The following GALNT17 variants were observed in gnomAD, a reference collection of about 807,000 sequenced individuals.
The protein encoded by GALNT17 is polypeptide N-acetylgalactosaminyltransferase 17.
GALNT17 carries 29 observed loss-of-function variants against 63.7 expected under a neutral mutation model. That is an observed-to-expected ratio of 0.46 (90% CI 0.34 to 0.62). The LOEUF is 0.62. Among genes scored for constraint, GALNT17 ranks in the 20% least tolerant of loss-of-function variants. GALNT17 has a pLI of 0.01. For synonymous variants in GALNT17, 305 were observed against 318.3 expected, an observed-to-expected ratio of 0.96 and a Z score of 0.45; for missense variants, 603 against 799.6, an observed-to-expected ratio of 0.75 and a Z score of 2.97.
At chr7:71,654,380 A>C (rs1262897731) in intron 6 of GALNT17, among the ~76,000 whole-genome samples, 1 of 152,206 alleles carries the variant, frequency 6.6e-6, no homozygotes, top group Non-Finnish European at 1.5e-5. Context: ...GGTTGGACTC[A>C]AGAAGCAACT....
At chr7:71,199,430 C>T (rs1789120193) in intron 1 of GALNT17, among the ~76,000 whole-genome samples, 1 of 152,128 alleles carries the variant, frequency 6.6e-6, no homozygotes, top group South Asian at 2.1e-4. Context: ...CTGGCCCACT[C>T]ACCTACTCAT....
rs113057285 is a variant in GALNT17, at chr7:71,401,549, G to A, written c.589+13148G>A. Among the ~76,000 whole-genome samples the A allele has an allele frequency of 4.7e-3, 709 of 152,246 alleles. 4 individuals carry two copies. The highest frequency in any genetic ancestry group is 7.8e-3 in the Non-Finnish European group (533 of 68,024). Reference sequence around the variant, plus strand: ...GGCCGCACAGCAGGAGGTGAGAGGCGGGTGAGGGAGCAAAACTTCGTCTGT... The same window carrying A: ...GGCCGCACAGCAGGAGGTGAGAGGCAGGTGAGGGAGCAAAACTTCGTCTGT... On this transcript the variant is annotated intron_variant, in intron 3 of 10. Coordinates refer to ENST00000333538, the MANE Select transcript of GALNT17 (RefSeq NM_022479.3).
intron 1 of GALNT17, among the ~76,000 whole-genome samples, chr7:71,237,490 A>C (rs1291658763): frequency 3.3e-5 from 5 of 149,616 alleles, no homozygotes; most frequent in Non-Finnish European, 4.4e-5. Flanking sequence ...AACTTGGCCA[A>C]CATAGTAAGA....
At chr7:71,351,866 G>C (rs117054742) in intron 2 of GALNT17, among the ~76,000 whole-genome samples, 2,546 of 152,262 alleles carry the variant, frequency 0.017, 38 homozygotes, top group Non-Finnish European at 0.026. Flanking sequence ...GAAGTGTCCT[G>C]ATCTGGGGTA....
intron 1 of GALNT17, among the ~76,000 whole-genome samples, chr7:71,330,391 T>C (rs542293444): frequency 2.0e-5 from 3 of 151,976 alleles, no homozygotes; most frequent in South Asian, 4.2e-4. Context: ...GTCTTCTTAT[T>C]TTTTATTTTA....
chr7:71,415,323 C>T (rs1164691105), intron 3 of GALNT17, among the ~76,000 whole-genome samples: 1 of 152,140 alleles, frequency 6.6e-6, no homozygotes, highest in East Asian at 1.9e-4. Flanking sequence ...TGAAATTAAT[C>T]TAGCAACCTC....
intron 1 of GALNT17, among the ~76,000 whole-genome samples, chr7:71,165,563 A>G (rs1369630373): frequency 6.6e-6 from 1 of 152,170 alleles, no homozygotes; most frequent in East Asian, 1.9e-4. Context: ...ATAGCACCGG[A>G]AAGATCTGCC....
intron 2 of GALNT17, among the ~76,000 whole-genome samples, chr7:71,337,630 G>A (rs1563014361): frequency 1.3e-5 from 2 of 152,168 alleles, no homozygotes. Context: ...AACACTTTGG[G>A]AGGCTGAGGA....
In GALNT17 at chr7:71,153,088, A is replaced by G. The variant is rs185158859; in HGVS notation, c.238+20048A>G. On this transcript the variant is annotated intron_variant, in intron 1 of 10. Coordinates refer to ENST00000333538, the MANE Select transcript of GALNT17 (RefSeq NM_022479.3). Reference sequence around the variant, plus strand: ...CAACCTTCCTAGTCAGCTGATCTCCAGGGGTTTCAGACAATGGACGAAGCA... The same window carrying G: ...CAACCTTCCTAGTCAGCTGATCTCCGGGGGTTTCAGACAATGGACGAAGCA... 1.2e-3 allele frequency among the ~76,000 whole-genome samples: 178 copies of G among 152,292 alleles called. 1 individual carries two copies. Among genetic ancestry groups the G allele is most frequent in the African/African-American group, 4.1e-3 (172 of 41,562 alleles).
chr7:71,355,781 C>G (rs948658793), intron 2 of GALNT17, among the ~76,000 whole-genome samples: 2 of 152,136 alleles, frequency 1.3e-5, no homozygotes, highest in Non-Finnish European at 2.9e-5. Flanking sequence ...GATTCACCCA[C>G]CTCAGCCTCC....
At chr7:71,251,584 A>T (rs567540014) in intron 1 of GALNT17, among the ~76,000 whole-genome samples, 21 of 151,650 alleles carry the variant, frequency 1.4e-4, no homozygotes, top group Admixed American at 5.3e-4. Flanking sequence ...TAATTTAAAA[A>T]TTTTTTTCGT....
chr7:71,527,247 A>C (rs1025496020), intron 5 of GALNT17, among the ~76,000 whole-genome samples: 1 of 152,260 alleles, frequency 6.6e-6, no homozygotes, highest in East Asian at 1.9e-4. Context: ...TCAGCATGAT[A>C]TATAAAAATC....
chr7:71,271,891 C>G (rs548339320), intron 1 of GALNT17, among the ~76,000 whole-genome samples: 91 of 152,314 alleles, frequency 6.0e-4, no homozygotes, highest in African/African-American at 2.2e-3. Flanking sequence ...TCCCGAGTAA[C>G]TAGGACCACA....
intron 6 of GALNT17, among the ~76,000 whole-genome samples, chr7:71,654,220 T>G (rs1379248688): frequency 6.6e-6 from 1 of 152,144 alleles, no homozygotes; most frequent in African/African-American, 2.4e-5. Flanking sequence ...TTTCACCGTG[T>G]TAGCCAGGAT....
chr7:71,248,013 A>G (rs1257736893), intron 1 of GALNT17, among the ~76,000 whole-genome samples: 2 of 152,208 alleles, frequency 1.3e-5, no homozygotes, highest in Non-Finnish European at 2.9e-5. Context: ...AGGTTGGTGT[A>G]TTAGTCTGTT....
At chr7:71,386,978 C>A (rs951928444) in intron 2 of GALNT17, among the ~76,000 whole-genome samples, 10 of 152,110 alleles carry the variant, frequency 6.6e-5, no homozygotes, top group African/African-American at 2.4e-4. Context: ...AGAAACAGAG[C>A]CTGAAACAAA....
chr7:71,239,304 C>CCA (rs59397257), intron 1 of GALNT17, among the ~76,000 whole-genome samples: 20 of 150,234 alleles, frequency 1.3e-4, no homozygotes, highest in East Asian at 1.2e-3. Flanking sequence ...TACCCCCCCC[C>CCA]AAAAAAAAAT....
At chr7:71,589,776 G>A (rs1789771626) in intron 6 of GALNT17, among the ~76,000 whole-genome samples, 1 of 152,150 alleles carries the variant, frequency 6.6e-6, no homozygotes, top group East Asian at 1.9e-4. Context: ...CTAATAAATA[G>A]AACAGCCGGA....
intron 1 of GALNT17, among the ~76,000 whole-genome samples, chr7:71,321,867 T>TTCCCTTCCTTCC (rs1272306510): frequency 1.3e-4 from 6 of 46,834 alleles, no homozygotes; most frequent in African/African-American, 4.5e-4. Context: ...CCTTCCTTCC[T>TTCCCTTCCTTCC]TTCCTTCCTT....
Sources: gnomAD v4.1 joint callset for allele counts (sites outside exome capture counted in the v4.1 genomes callset) on GRCh38, gnomAD v4.1.1 for gene constraint, MANE v1.5 for transcripts, NCBI Gene and HGNC (gene_info 2026-07-23, HGNC 2026-07-21) for gene names.